Variants in ATP8A1 observed in about 807,000 individuals in gnomAD.
ATP8A1 encodes ATPase phospholipid transporting 8A1.
A neutral mutation model predicts 177.7 loss-of-function variants in ATP8A1; 90 were observed. That is an observed-to-expected ratio of 0.51 (90% CI 0.43 to 0.60). ATP8A1 has a LOEUF of 0.60. Ranked by LOEUF, ATP8A1 falls within the 20% of genes least tolerant of loss-of-function variation. The pLI, the probability that ATP8A1 is intolerant of heterozygous loss-of-function variation, is 0.00. For synonymous variants in ATP8A1, 493 were observed against 485.9 expected (o/e 1.01, Z -0.19); for missense variants, 1,072 against 1,392.8 (o/e 0.77, Z 3.67).
At chr4:42,589,639 C>T (rs987391397) in intron 7 of ATP8A1, among the ~76,000 whole-genome samples, 5 of 152,138 alleles carry the variant, frequency 3.3e-5, no homozygotes, top group African/African-American at 1.2e-4. Flanking sequence ...CACTCTATAA[C>T]TTATTCAAAA....
rs757956840 is a variant in ATP8A1 at position 42,586,401 on chromosome 4, G to T, written c.670C>A (p.Pro224Thr). Residue 224 changes from proline (P) to threonine (T), a missense_variant, in exon 9 of 37, where the codon CCA (proline) becomes ACA (threonine). Pro to Thr is a conservative substitution (Grantham distance 38). Coordinates refer to ENST00000381668, the MANE Select transcript of ATP8A1 (RefSeq NM_006095.2). Reference sequence around the variant, plus strand: ...ACAAAATCGTAGAGATGTCTGTTTGGACTTTCACACTCAATTCTGCCAGAA... The same window carrying T: ...ACAAAATCGTAGAGATGTCTGTTTGTACTTTCACACTCAATTCTGCCAGAA... ...RISGRIECES[P>T]NRHLYDFVGN... 26 of 1,614,050 alleles carry T rather than the reference G, an allele frequency of 1.6e-5. No homozygotes were observed. The Admixed American group carries it at 3.2e-4, about 20-fold the overall frequency.
chr4:42,575,594 C>T (rs1315547282), intron 13 of ATP8A1, 28 bp downstream of exon 13: 2 of 1,597,160 alleles, frequency 1.3e-6, no homozygotes, highest in Non-Finnish European at 1.7e-6. Context: ...TTTAATTCCA[C>T]ACATAATCAA....
At chr4:42,446,453 T>A (rs923248565) in intron 31 of ATP8A1, 130 bp downstream of exon 31, 1 of 831,940 alleles carries the variant, frequency 1.2e-6, no homozygotes, top group Non-Finnish European at 1.8e-6. Context: ...TCTTACTTAA[T>A]TTTTAAAGGG....
At chr4:42,514,460 C>A (rs765710303) in intron 22 of ATP8A1, among the ~76,000 whole-genome samples, 18 of 152,144 alleles carry the variant, frequency 1.2e-4, no homozygotes. Flanking sequence ...AAGATTCTAA[C>A]GGCCAGTTGA....
At chr4:42,586,955 G>C (rs1293954385) in intron 8 of ATP8A1, among the ~76,000 whole-genome samples, 1 of 152,086 alleles carries the variant, frequency 6.6e-6, no homozygotes, top group African/African-American at 2.4e-5. Context: ...CACTGAGCAG[G>C]GCCCCTCACA....
rs548720507 is a variant in ATP8A1, at chr4:42,447,245, G to A, written c.2897-601C>T. Among the ~76,000 whole-genome samples, 128 of 152,146 alleles carry A rather than the reference G, an allele frequency of 8.4e-4. 1 individual carries two copies. Among genetic ancestry groups the A allele is most frequent in the Non-Finnish European group, 6.3e-4 (43 of 68,000 alleles). On this transcript the variant is annotated intron_variant, in intron 30 of 36. Transcript: ENST00000381668. ...GTCATCCAGGTTGGAGTGCAGTGGC[G>A]TGATCTCGGCTCACTGCAACCTCCG...
chr4:42,474,401 T>C (rs1194361818), intron 25 of ATP8A1, among the ~76,000 whole-genome samples: 1 of 152,140 alleles, frequency 6.6e-6, no homozygotes, highest in Non-Finnish European at 1.5e-5. Context: ...ATTCCAACTG[T>C]AGAGTTTGGC....
intron 1 of ATP8A1, among the ~76,000 whole-genome samples, chr4:42,633,648 T>G (rs1489267500): frequency 6.6e-6 from 1 of 152,180 alleles, no homozygotes; most frequent in Non-Finnish European, 1.5e-5. Flanking sequence ...ATTATGCATA[T>G]AATAGAACTA....
chr4:42,487,324 T>G (rs1050153973), intron 24 of ATP8A1, among the ~76,000 whole-genome samples: 11 of 152,156 alleles, frequency 7.2e-5, no homozygotes, highest in Admixed American at 2.0e-4. Context: ...GGATAAAGTT[T>G]CAATACATTT....
chr4:42,568,644 T>C (rs779620962), intron 15 of ATP8A1, among the ~76,000 whole-genome samples: 1 of 152,242 alleles, frequency 6.6e-6, no homozygotes, highest in Non-Finnish European at 1.5e-5. Flanking sequence ...TAGTGCTTGG[T>C]AGCATAGTTT....
chr4:42,486,031 T>C (rs1312468404), intron 24 of ATP8A1, among the ~76,000 whole-genome samples: 2 of 152,216 alleles, frequency 1.3e-5, no homozygotes, highest in African/African-American at 4.8e-5. Flanking sequence ...ATAAATTTAA[T>C]TTATTTAGTA....
chr4:42,461,439 A>C (rs954844825), intron 27 of ATP8A1, among the ~76,000 whole-genome samples: 9 of 151,962 alleles, frequency 5.9e-5, no homozygotes, highest in Non-Finnish European at 1.0e-4. Context: ...AATAAGTCTC[A>C]AGAGATTTGA....
At chr4:42,495,565 C>T (rs1239583206) in intron 24 of ATP8A1, among the ~76,000 whole-genome samples, 5 of 152,036 alleles carry the variant, frequency 3.3e-5, no homozygotes, top group African/African-American at 1.2e-4. Context: ...CCTGCAACCC[C>T]CTGACACATT....
chr4:42,410,205 A>G lies in ATP8A1; in HGVS notation c.*2711T>C, dbSNP rs1712430522. On this transcript the variant is annotated 3_prime_UTR_variant, in exon 37 of 37. Transcript: ENST00000381668. Reference sequence around the variant, plus strand: ...TTTTATATGTATATATAAAACATTTAGAAAGTCCATGCTCAATACCACTGT... The same window carrying G: ...TTTTATATGTATATATAAAACATTTGGAAAGTCCATGCTCAATACCACTGT... 6.6e-6 allele frequency: 1 copy of G among 152,204 alleles called. No homozygotes were observed. The highest frequency in any genetic ancestry group is 2.4e-5 in the African/African-American group (1 of 41,462). 9.4% of individuals were successfully genotyped at this position (152,204 alleles called of 1,614,324 possible). A position where few individuals can be genotyped will look rare whatever the true frequency, so the allele number is the denominator to read the frequency against.
At chr4:42,441,049 C>A (rs1430574287) in intron 33 of ATP8A1, among the ~76,000 whole-genome samples, 1 of 152,122 alleles carries the variant, frequency 6.6e-6, no homozygotes, top group Non-Finnish European at 1.5e-5. Flanking sequence ...TTACCTACAC[C>A]CTGCATCAGG....
At chr4:42,573,953 T>C (rs1384170451) in intron 14 of ATP8A1, among the ~76,000 whole-genome samples, 1 of 152,330 alleles carries the variant, frequency 6.6e-6, no homozygotes, top group East Asian at 1.9e-4. Context: ...ATGTCTTTTC[T>C]AGGAAATGTA....
chr4:42,528,125 G>T (rs1349310968), intron 20 of ATP8A1, among the ~76,000 whole-genome samples: 1 of 152,156 alleles, frequency 6.6e-6, no homozygotes, highest in African/African-American at 2.4e-5. Context: ...TTTTAGCTCA[G>T]GTCTGACTTG....
intron 33 of ATP8A1, among the ~76,000 whole-genome samples, chr4:42,443,314 G>A (rs756406230): frequency 4.6e-5 from 7 of 152,110 alleles, no homozygotes; most frequent in Admixed American, 1.3e-4. Context: ...TCAAGCTCCC[G>A]ACAACCATAT....
intron 25 of ATP8A1, among the ~76,000 whole-genome samples, chr4:42,468,438 C>CACACACAG (rs1720033282): frequency 6.6e-6 from 1 of 151,586 alleles, no homozygotes; most frequent in Non-Finnish European, 1.5e-5. Context: ...TATACACACA[C>CACACACAG]ACACACACAC....
Sources: allele counts gnomAD v4.1 joint callset (sites outside exome capture counted in the v4.1 genomes callset), GRCh38; gene constraint gnomAD v4.1.1; transcripts MANE v1.5; gene names NCBI Gene and HGNC (gene_info 2026-07-23, HGNC 2026-07-21).